SAXO3: variants seen among roughly 807,000 people sequenced by gnomAD.
The protein encoded by SAXO3 is stabilizer of axonemal microtubules 3, also known as CTB-60B18.10.
the SAXO3 span, chr19:49,019,573 T>C: frequency 8.2e-7 from 1 of 1,220,466 alleles, no homozygotes; most frequent in Non-Finnish European, 1.0e-6. Flanking sequence ...CCCAAAGCCG[T>C]GATTCCTTCT....
the SAXO3 span, chr19:49,018,749 G>T: frequency 4.8e-6 from 4 of 832,130 alleles, no homozygotes. Flanking sequence ...TTTGGTTCTT[G>T]CTGCTACAGA....
chr19:49,019,660 C>T, the SAXO3 span: 3 of 1,263,258 alleles, frequency 2.4e-6, no homozygotes, highest in South Asian at 4.7e-5. Context: ...GGAAGGACCC[C>T]CGCGGTGGTG....
chr19:49,019,587 C>CCCGCCCCAGGCTCCCGGAGCT, the SAXO3 span: 1 of 1,254,804 alleles, frequency 8.0e-7, no homozygotes, highest in Non-Finnish European at 1.0e-6. Context: ...TCCTTCTGGC[C>CCCGCCCCAGGCTCCCGGAGCT]CCGCCCCAGG....
At chr19:49,019,061 C>A in the SAXO3 span, 8 of 1,470,860 alleles carry the variant, frequency 5.4e-6, no homozygotes, top group Non-Finnish European at 7.2e-6. Context: ...CATCCCAAGC[C>A]CTGGGTCCCG....
the SAXO3 span, chr19:49,020,415 C>A: frequency 2.5e-6 from 1 of 399,358 alleles, no homozygotes; most frequent in Non-Finnish European, 4.4e-6. Flanking sequence ...TGGGATAATG[C>A]GGTGGGAAAA....
At chr19:49,018,742 G>T in the SAXO3 span, 1,093 of 780,700 alleles carry the variant, frequency 1.4e-3, 8 homozygotes, top group African/African-American at 0.017. Context: ...CCTGAACTTT[G>T]GTTCTTGCTG....
At chr19:49,019,523 C>T in the SAXO3 span, 1 of 1,182,042 alleles carries the variant, frequency 8.5e-7, no homozygotes, top group Non-Finnish European at 1.1e-6. Flanking sequence ...CCCCCGGCTC[C>T]TCTAACCTCG....
chr19:49,018,475 G>A, the SAXO3 span: 6 of 497,178 alleles, frequency 1.2e-5, no homozygotes, highest in Non-Finnish European at 1.9e-5. Context: ...GACGCGACCC[G>A]GCACGCGTTG....
the SAXO3 span, chr19:49,019,791 C>A: frequency 8.1e-7 from 1 of 1,232,122 alleles, no homozygotes; most frequent in Non-Finnish European, 1.1e-6. Flanking sequence ...GTGGGAGGCG[C>A]CAGCCGCGGT....
the SAXO3 span, chr19:49,019,658 C>G: frequency 1.6e-6 from 2 of 1,261,364 alleles, no homozygotes; most frequent in Non-Finnish European, 2.0e-6. Context: ...TGGGAAGGAC[C>G]CCCGCGGTGG....
At chr19:49,018,270 A>G in the SAXO3 span, 1 of 1,057,658 alleles carries the variant, frequency 9.5e-7, no homozygotes, top group Non-Finnish European at 1.2e-6. Flanking sequence ...CCGTGGCTCC[A>G]GACCTGGGGC....
chr19:49,019,823 C>G, the SAXO3 span: 1 of 1,264,000 alleles, frequency 7.9e-7, no homozygotes, highest in African/African-American at 1.6e-5. Context: ...GGAAAGGCGA[C>G]CCAGAGACTC....
At chr19:49,018,903 G>A in the SAXO3 span, 6 of 1,534,520 alleles carry the variant, frequency 3.9e-6, 1 homozygote, top group Admixed American at 9.8e-5. Context: ...CCGCGCCGAG[G>A]TGGTCAGATA....
chr19:49,018,779 G>C, the SAXO3 span: 3 of 1,098,268 alleles, frequency 2.7e-6, no homozygotes, highest in Non-Finnish European at 3.9e-6. Context: ...TGAGACCACC[G>C]GCTCAGGGAA....
chr19:49,019,595 A>G, the SAXO3 span: 1 of 1,244,214 alleles, frequency 8.0e-7, no homozygotes, highest in Non-Finnish European at 1.0e-6. Flanking sequence ...GCCCCGCCCC[A>G]GGCTCCCGGA....
At chr19:49,019,092 C>T in the SAXO3 span, 136 of 1,444,418 alleles carry the variant, frequency 9.4e-5, 2 homozygotes, top group South Asian at 1.7e-3. Flanking sequence ...CCCTCTCCTT[C>T]GGCCTCGACA....
the SAXO3 span, chr19:49,019,072 AG>A: frequency 6.8e-7 from 1 of 1,460,772 alleles, no homozygotes; most frequent in South Asian, 1.4e-5. Flanking sequence ...CTGGGTCCCG[AG>A]TTCAGAATCC....
At chr19:49,018,140 T>C in the SAXO3 span, 1 of 401,454 alleles carries the variant, frequency 2.5e-6, no homozygotes, top group Non-Finnish European at 4.4e-6. Context: ...GTAGGACTCC[T>C]GAGCCAGAGA....
At chr19:49,019,591 C>T in the SAXO3 span, 1 of 1,253,654 alleles carries the variant, frequency 8.0e-7, no homozygotes, top group African/African-American at 1.6e-5. Context: ...TCTGGCCCCG[C>T]CCCAGGCTCC....
Sources: gnomAD v4.1 joint callset for allele counts on GRCh38, gnomAD v4.1.1 for gene constraint, MANE v1.5 for transcripts, NCBI Gene and HGNC (gene_info 2026-07-23, HGNC 2026-07-21) for gene names.